Variants in WWOX observed in about 807,000 individuals in gnomAD.
WWOX encodes WW domain containing oxidoreductase.
Under a neutral mutation model 46.2 loss-of-function variants are expected in WWOX, and 69 were observed. The observed-to-expected ratio is 1.49, with a 90% confidence interval of 1.23 to 1.82. The LOEUF is 1.82. Among genes scored for constraint, WWOX ranks in the 40% most tolerant of loss-of-function variants. The pLI, the probability that WWOX is intolerant of heterozygous loss-of-function variation, is 0.00. For synonymous variants in WWOX, 359 were observed against 202.6 expected (o/e 1.77, Z -6.56); for missense variants, 919 against 542.6 (o/e 1.69, Z -6.89).
At position 78,193,821 on chromosome 16, in the gene WWOX, TA is replaced by T. The variant is rs1329108223; in HGVS notation, c.516+29533del. Among the ~76,000 whole-genome samples the T allele has an allele frequency of 4.6e-5, 5 of 108,438 alleles. No homozygotes were observed. The East Asian group carries it at 7.4e-4, about 16-fold the overall frequency. 71.1% of individuals were successfully genotyped at this position (108,438 alleles called of 152,430 possible). On this transcript the variant is annotated intron_variant, in intron 5 of 8. Coordinates refer to ENST00000566780, the MANE Select transcript of WWOX (RefSeq NM_016373.4). ...TTTGAAACTTAATTTAATTTTTATT[TA>T]TTATTATTATTATTATTTTCAATTT... is the stretch of plus-strand genomic sequence containing the variant.
chr16:78,786,867 G>A (rs186228673), intron 8 of WWOX, among the ~76,000 whole-genome samples: 11 of 152,330 alleles, frequency 7.2e-5, no homozygotes, highest in South Asian at 4.1e-4. Flanking sequence ...CCACTTTGGG[G>A]CTGGGCGTGG....
At chr16:78,376,756 G>C (rs2081837843) in intron 5 of WWOX, among the ~76,000 whole-genome samples, 1 of 152,160 alleles carries the variant, frequency 6.6e-6, no homozygotes, top group South Asian at 2.1e-4. Flanking sequence ...ATGTCTGCTA[G>C]CAGTTAGAAT....
chr16:78,328,091 C>G (rs1188720461), intron 5 of WWOX, among the ~76,000 whole-genome samples: 4 of 151,990 alleles, frequency 2.6e-5, no homozygotes, highest in Non-Finnish European at 2.9e-5. Flanking sequence ...CCAGGCTGGT[C>G]TTGAACTCCT....
At chr16:78,581,214 C>A (rs1227850608) in intron 8 of WWOX, among the ~76,000 whole-genome samples, 1 of 152,006 alleles carries the variant, frequency 6.6e-6, no homozygotes, top group Non-Finnish European at 1.5e-5. Flanking sequence ...ACATATGGTC[C>A]TTTGAACTAA....
At chr16:78,280,501 T>C (rs895107867) in intron 5 of WWOX, among the ~76,000 whole-genome samples, 35 of 152,162 alleles carry the variant, frequency 2.3e-4, no homozygotes, top group African/African-American at 8.2e-4. Flanking sequence ...CTGGGTAATT[T>C]ATAAGAAAAG....
chr16:78,906,194 C>T (rs2044959551), intron 8 of WWOX, among the ~76,000 whole-genome samples: 1 of 152,128 alleles, frequency 6.6e-6, no homozygotes, highest in Non-Finnish European at 1.5e-5. Flanking sequence ...CAGCAGAGAG[C>T]CACTGGTGTG....
intron 8 of WWOX, among the ~76,000 whole-genome samples, chr16:78,511,165 A>C (rs1465425789): frequency 2.0e-5 from 3 of 152,136 alleles, no homozygotes; most frequent in Non-Finnish European, 4.4e-5. Context: ...GCCTGTACAA[A>C]AATCGGGAAA....
At chr16:78,646,567 A>T (rs2046849583) in intron 8 of WWOX, among the ~76,000 whole-genome samples, 1 of 152,072 alleles carries the variant, frequency 6.6e-6, no homozygotes, top group Non-Finnish European at 1.5e-5. Flanking sequence ...AGCTGGAATT[A>T]CACGTATGTA....
chr16:78,827,919 C>G (rs955137800), intron 8 of WWOX, among the ~76,000 whole-genome samples: 1 of 152,176 alleles, frequency 6.6e-6, no homozygotes, highest in Non-Finnish European at 1.5e-5. Flanking sequence ...ACTGCACCTC[C>G]TCATTAGGAG....
intron 6 of WWOX, among the ~76,000 whole-genome samples, chr16:78,391,370 C>G (rs971381297): frequency 6.6e-6 from 1 of 152,208 alleles, no homozygotes; most frequent in Admixed American, 6.5e-5. Context: ...ATGATTATCC[C>G]TACTTTGCAA....
chr16:78,480,415 T>A (rs2151445778), intron 8 of WWOX, among the ~76,000 whole-genome samples: 1 of 152,350 alleles, frequency 6.6e-6, no homozygotes, highest in Middle Eastern at 3.4e-3. Context: ...TCAACACATT[T>A]ATTGGGTGGC....
rs143944417 is a variant in WWOX at position 78,951,917 on chromosome 16, A to G, written c.1057-259691A>G. Reference sequence around the variant, plus strand: ...AGGACAGTGGAATCCAGCAGGGGCCATTGTTTCCTTCCATAATATTTTTAA... The same window carrying G: ...AGGACAGTGGAATCCAGCAGGGGCCGTTGTTTCCTTCCATAATATTTTTAA... On this transcript the variant is annotated intron_variant, in intron 8 of 8. Transcript: ENST00000566780. Among the ~76,000 whole-genome samples, 381 of 152,280 alleles carry G rather than the reference A, an allele frequency of 2.5e-3. 1 individual carries two copies. The highest frequency in any genetic ancestry group is 8.8e-3 in the African/African-American group (364 of 41,564).
chr16:79,094,288 C>T (rs1344172787), intron 8 of WWOX, among the ~76,000 whole-genome samples: 1 of 147,662 alleles, frequency 6.8e-6, no homozygotes, highest in African/African-American at 2.5e-5. Context: ...GGGTCTCGCT[C>T]TGTCTCCCAG....
rs541430751 is a variant in WWOX, at chr16:78,337,854, C to T, written c.517-49006C>T. ...TTTCCACCATGAAGAAGTGGAGAGC[C>T]GTGTGACCTCAGTGGTAGAGCTGAT... On this transcript the variant is annotated intron_variant, in intron 5 of 8. Coordinates refer to ENST00000566780, the MANE Select transcript of WWOX (RefSeq NM_016373.4). 6.1e-5 allele frequency among the ~76,000 whole-genome samples: 6 copies of T among 98,328 alleles called. 1 individual carries two copies. The highest frequency in any genetic ancestry group is 3.0e-4 in the South Asian group (1 of 3,384). 64.5% of individuals were successfully genotyped at this position (98,328 alleles called of 152,430 possible).
At chr16:78,796,755 C>A (rs2050747577) in intron 8 of WWOX, among the ~76,000 whole-genome samples, 1 of 152,146 alleles carries the variant, frequency 6.6e-6, no homozygotes, top group Admixed American at 6.5e-5. Flanking sequence ...CAACGGCCAT[C>A]CAGCCACTCA....
intron 8 of WWOX, among the ~76,000 whole-genome samples, chr16:78,927,918 C>T (rs939846617): frequency 6.6e-6 from 1 of 152,038 alleles, no homozygotes; most frequent in East Asian, 1.9e-4. Flanking sequence ...CTAGCCATTC[C>T]TTTTGCTTAA....
chr16:78,314,961 A>G (rs2080330972), intron 5 of WWOX, among the ~76,000 whole-genome samples: 3 of 152,060 alleles, frequency 2.0e-5, no homozygotes, highest in South Asian at 4.2e-4. Context: ...ATTCTTGCCA[A>G]TGTCCTTCGT....
At chr16:78,305,657 C>A (rs534183457) in intron 5 of WWOX, among the ~76,000 whole-genome samples, 8 of 152,044 alleles carry the variant, frequency 5.3e-5, no homozygotes, top group African/African-American at 1.7e-4. Context: ...AATGAAAAGC[C>A]CCTTTCTTGT....
In WWOX at chr16:79,199,189, A is replaced by G. The variant is rs148314981; in HGVS notation, c.1057-12419A>G. 3.9e-3 allele frequency among the ~76,000 whole-genome samples: 600 copies of G among 152,240 alleles called. 2 individuals are homozygous for G. Among genetic ancestry groups the G allele is most frequent in the African/African-American group, 0.014 (572 of 41,514 alleles). ...GCCATCCTCCCGCCTCAGCCTCCCA[A>G]GTAAGTGGGACTACAGGTGTGCGCC... On this transcript the variant is annotated intron_variant, in intron 8 of 8. Transcript: ENST00000566780.
Sources: gnomAD v4.1 joint callset for allele counts (sites outside exome capture counted in the v4.1 genomes callset) on GRCh38, gnomAD v4.1.1 for gene constraint, MANE v1.5 for transcripts, NCBI Gene and HGNC (gene_info 2026-07-23, HGNC 2026-07-21) for gene names.